Variants in XPR1 observed in about 807,000 individuals in gnomAD.
XPR1 encodes solute carrier family 53 member 1.
In XPR1, 28 loss-of-function variants were observed where a neutral mutation model predicts 87.5. The observed-to-expected ratio is 0.32, with a 90% confidence interval of 0.24 to 0.44. The LOEUF (loss-of-function observed/expected upper bound fraction) is 0.44, where lower values mean the gene tolerates loss of function less well. XPR1 is among the 20% of genes least tolerant of loss of function. The probability of loss-of-function intolerance (pLI) is 1.00; values close to 1 mark genes in which losing one functional copy is unlikely to be tolerated. For missense variants in XPR1, 559 were observed against 862.3 expected, an observed-to-expected ratio of 0.65 and a Z score of 4.41; for synonymous variants, 300 against 306.1, an observed-to-expected ratio of 0.98 and a Z score of 0.21.
At chr1:180,652,030 G>A (rs6698414) in intron 1 of XPR1, among the ~76,000 whole-genome samples, 8,111 of 152,158 alleles carry the variant, frequency 0.053, 312 homozygotes, top group Non-Finnish European at 0.079. Context: ...GGTGGCTCAC[G>A]CCTGTAATTT....
intron 2 of XPR1, among the ~76,000 whole-genome samples, chr1:180,687,018 C>T (rs1333100128): frequency 6.6e-6 from 1 of 152,042 alleles, no homozygotes; most frequent in African/African-American, 2.4e-5. Flanking sequence ...TAAGGTTTAA[C>T]AGTAAGTTTA....
rs534839036 is a variant in XPR1, at chr1:180,656,712, T to A, written c.69+24442T>A. On this transcript the variant is annotated intron_variant, in intron 1 of 14. Transcript: ENST00000367590. ...TATATATGTATTTTATATATATATA[T>A]AAAATATTTTCATTATCCATTCATC... 3.1e-3 allele frequency among the ~76,000 whole-genome samples: 407 copies of A among 132,918 alleles called. 3 individuals are homozygous for A. Among genetic ancestry groups the A allele is most frequent in the African/African-American group, 0.01 (364 of 35,984 alleles). 87.2% of individuals were successfully genotyped at this position (132,918 alleles called of 152,430 possible).
At chr1:180,883,767 C>G (rs1012278634) in intron 14 of XPR1, among the ~76,000 whole-genome samples, 1 of 151,412 alleles carries the variant, frequency 6.6e-6, no homozygotes, top group Non-Finnish European at 1.5e-5. Context: ...TTCTGCGTTG[C>G]ACATACCCTG....
intron 2 of XPR1, among the ~76,000 whole-genome samples, chr1:180,781,166 G>GT (rs918888336): frequency 1.5e-3 from 221 of 145,250 alleles, no homozygotes; most frequent in African/African-American, 4.9e-3. Context: ...TTGGAGTGTT[G>GT]TTTTTTTTTT....
intron 2 of XPR1, among the ~76,000 whole-genome samples, chr1:180,761,432 C>A (rs1648026490): frequency 1.3e-5 from 2 of 152,150 alleles, no homozygotes; most frequent in South Asian, 2.1e-4. Context: ...AAGAAAAAAA[C>A]AACCAACCCC....
intron 2 of XPR1, among the ~76,000 whole-genome samples, chr1:180,784,426 T>C (rs1332043850): frequency 6.6e-6 from 1 of 152,092 alleles, no homozygotes; most frequent in Non-Finnish European, 1.5e-5. Context: ...CTTTTTAATA[T>C]TGACTTGTAA....
rs1466978850 is a variant in XPR1 at position 180,773,527 on chromosome 1, CTT to C, written c.122-14224_122-14223del. Among the ~76,000 whole-genome samples, 4 of 152,136 alleles carry C rather than the reference CTT, an allele frequency of 2.6e-5. No individual in the cohort carries two copies. The East Asian group carries it at 7.7e-4, about 29-fold the overall frequency. ...ATGGAAAACCATTTTTAGCATAACT[CTT>C]TGTTATTAGACTTAAAATGTAAAAT... On this transcript the variant is annotated intron_variant, in intron 2 of 14. Transcript: ENST00000367590.
At chr1:180,801,397 A>T (rs542131616) in intron 3 of XPR1, among the ~76,000 whole-genome samples, 18 of 152,342 alleles carry the variant, frequency 1.2e-4, no homozygotes, top group Middle Eastern at 3.4e-3. Flanking sequence ...AGATGGGTTG[A>T]CCCACATAAA....
At chr1:180,794,224 A>G (rs568810667) in intron 3 of XPR1, among the ~76,000 whole-genome samples, 1 of 152,330 alleles carries the variant, frequency 6.6e-6, no homozygotes, top group East Asian at 1.9e-4. Context: ...AAAACTGTCC[A>G]GCATGTTACT....
At chr1:180,765,095 AT>A (rs1180315075) in intron 2 of XPR1, among the ~76,000 whole-genome samples, 2 of 152,062 alleles carry the variant, frequency 1.3e-5, no homozygotes, top group Non-Finnish European at 2.9e-5. Context: ...CTTATGGATA[AT>A]TTTTTATGTG....
chr1:180,875,538 G>A (rs1050333405), intron 13 of XPR1, among the ~76,000 whole-genome samples: 7 of 147,718 alleles, frequency 4.7e-5, no homozygotes, highest in African/African-American at 1.7e-4. Context: ...ATTTTTTTTT[G>A]AACAGAATGT....
At chr1:180,655,324 C>CAGATATAT (rs1341502494) in intron 1 of XPR1, among the ~76,000 whole-genome samples, 1 of 151,148 alleles carries the variant, frequency 6.6e-6, no homozygotes, top group Non-Finnish European at 1.5e-5. Context: ...AACCCCTTAT[C>CAGATATAT]AGATATATGA....
Position 180,849,242 on chromosome 1 carries a change from C to G in XPR1, c.1501+12526C>G, listed in dbSNP as rs183439128. ...GTCATTTTGAACCTGATACCAACTCCGAAAGAAAGGAAACAGGTGTTATTC... is the reference window on the plus strand; with the variant it reads ...GTCATTTTGAACCTGATACCAACTCGGAAAGAAAGGAAACAGGTGTTATTC... On this transcript the variant is annotated intron_variant, in intron 11 of 14. Coordinates refer to ENST00000367590, the MANE Select transcript of XPR1 (RefSeq NM_004736.4). Among the ~76,000 whole-genome samples, 38 of 152,244 alleles carry G rather than the reference C, an allele frequency of 2.5e-4. No homozygotes were observed. In the East Asian group the frequency reaches 6.9e-3, roughly 28 times the overall value.
chr1:180,818,197 G>A (rs1017031547), intron 7 of XPR1, among the ~76,000 whole-genome samples: 1 of 152,068 alleles, frequency 6.6e-6, no homozygotes, highest in African/African-American at 2.4e-5. Flanking sequence ...TATAATATTT[G>A]TGGTTCTTTT....
At chr1:180,702,598 T>G (rs921791434) in intron 2 of XPR1, among the ~76,000 whole-genome samples, 2 of 152,166 alleles carry the variant, frequency 1.3e-5, no homozygotes, top group Non-Finnish European at 2.9e-5. Context: ...ATTGTATCTT[T>G]TATTTCATTC....
chr1:180,795,025 A>T (rs1649517608), intron 3 of XPR1, among the ~76,000 whole-genome samples: 1 of 152,226 alleles, frequency 6.6e-6, no homozygotes, highest in African/African-American at 2.4e-5. Context: ...ACTATCTTGA[A>T]TCATCTGTGA....
At chr1:180,813,044 C>CG (rs1012158754) in intron 7 of XPR1, among the ~76,000 whole-genome samples, 1 of 143,774 alleles carries the variant, frequency 7.0e-6, no homozygotes, top group African/African-American at 2.5e-5. Flanking sequence ...CTTTTTTCCC[C>CG]CCCCCCAATG....
At chr1:180,813,742 A>C (rs1558021157) in intron 7 of XPR1, among the ~76,000 whole-genome samples, 2 of 152,200 alleles carry the variant, frequency 1.3e-5, no homozygotes, top group Admixed American at 6.5e-5. Flanking sequence ...TGGTATACCT[A>C]AGGGTCTATG....
intron 9 of XPR1, among the ~76,000 whole-genome samples, chr1:180,832,483 G>T (rs111839222): frequency 0.043 from 6,552 of 152,222 alleles, 508 homozygotes; most frequent in African/African-American, 0.15. Flanking sequence ...GTCTTGAATG[G>T]TATTGCCTAG....
Sources: gnomAD v4.1 joint callset for allele counts (sites outside exome capture counted in the v4.1 genomes callset) on GRCh38, gnomAD v4.1.1 for gene constraint, MANE v1.5 for transcripts, NCBI Gene and HGNC (gene_info 2026-07-23, HGNC 2026-07-21) for gene names.